The following SEMA5A variants were observed in gnomAD, a reference collection of about 807,000 sequenced individuals.
The protein encoded by SEMA5A is semaphorin 5A, also known as semaphorin-5A.
SEMA5A carries 55 observed loss-of-function variants against 135.5 expected under a neutral mutation model. The observed-to-expected ratio is 0.41, with a 90% CI of 0.33 to 0.51. SEMA5A has a LOEUF of 0.51. Ranked by LOEUF, SEMA5A falls within the 20% of genes least tolerant of loss-of-function variation. SEMA5A has a pLI of 0.37. For missense variants in SEMA5A, 1,290 were observed against 1,419.9 expected (o/e 0.91, Z 1.47); for synonymous variants, 580 against 546.5 (o/e 1.06, Z -0.85).
chr5:9,509,615 G>A (rs1214661546), intron 1 of SEMA5A, among the ~76,000 whole-genome samples: 3 of 152,176 alleles, frequency 2.0e-5, no homozygotes, highest in Admixed American at 2.0e-4. Context: ...AGGTTCTACA[G>A]CCTCAGAGCC....
Position 9,208,700 on chromosome 5 carries a change from C to T in SEMA5A, c.647-6460G>A, listed in dbSNP as rs144117216. On this transcript the variant is annotated intron_variant, in intron 8 of 22. Transcript: ENST00000382496. ...CCACAGTCAGGATCAAAGAGATCAACAGGACGGGAGGTGGAAAGCCAGGCA... is the reference window on the plus strand; with the variant it reads ...CCACAGTCAGGATCAAAGAGATCAATAGGACGGGAGGTGGAAAGCCAGGCA... Among the ~76,000 whole-genome samples the T allele has an allele frequency of 1.6e-3, 247 of 152,256 alleles. 1 individual carries two copies. Among genetic ancestry groups the T allele is most frequent in the African/African-American group, 5.5e-3 (227 of 41,550 alleles).
intron 3 of SEMA5A, among the ~76,000 whole-genome samples, chr5:9,353,457 C>T (rs566063963): frequency 6.6e-6 from 1 of 152,078 alleles, no homozygotes; most frequent in East Asian, 1.9e-4. Context: ...GGAACCACCT[C>T]TGGGCATATC....
chr5:9,063,049 C>T lies in SEMA5A; in HGVS notation c.2356G>A (p.Ala786Thr). 27 of 1,614,202 alleles carry T rather than the reference C, an allele frequency of 1.7e-5. No homozygotes were observed. Among genetic ancestry groups the T allele is most frequent in the Non-Finnish European group, 2.3e-5 (27 of 1,180,026 alleles). ...GRYSAHTVNG[A>T]WSAWTSWSQC... ...GACCACGACGTCCAGGCTGACCAAGCCCCGTTGACCGTGTGGGCAGAGTAT... is the reference window on the plus strand; with the variant it reads ...GACCACGACGTCCAGGCTGACCAAGTCCCGTTGACCGTGTGGGCAGAGTAT... Residue 786 changes from alanine (A) to threonine (T), a missense_variant, in exon 18 of 23, where the codon GCT (alanine) becomes ACT (threonine). Ala to Thr is a moderately conservative substitution (Grantham distance 58). Transcript: ENST00000382496.
intron 16 of SEMA5A, among the ~76,000 whole-genome samples, chr5:9,068,829 G>T (rs930274407): frequency 1.3e-5 from 2 of 152,296 alleles, no homozygotes; most frequent in South Asian, 4.2e-4. Flanking sequence ...GGATCCATAG[G>T]ACTCTGTGTG....
intron 13 of SEMA5A, among the ~76,000 whole-genome samples, chr5:9,129,092 C>T (rs1176899899): frequency 1.3e-5 from 2 of 152,216 alleles, no homozygotes; most frequent in African/African-American, 2.4e-5. Context: ...TAAATGTTCT[C>T]TTTCCAAATA....
At chr5:9,196,694 C>A (rs907229103) in intron 10 of SEMA5A, among the ~76,000 whole-genome samples, 6 of 152,206 alleles carry the variant, frequency 3.9e-5, no homozygotes, top group African/African-American at 1.4e-4. Flanking sequence ...TCCACCTCCT[C>A]TTCTTTCCTC....
intron 12 of SEMA5A, 37 bp from the exon 13 acceptor site, chr5:9,136,658 C>T: frequency 6.5e-7 from 1 of 1,549,722 alleles, no homozygotes; most frequent in Non-Finnish European, 8.9e-7. Flanking sequence ...AGAAAGGTCG[C>T]TTTACCCATG....
intron 16 of SEMA5A, among the ~76,000 whole-genome samples, chr5:9,070,919 T>C (rs993661966): frequency 2.0e-5 from 3 of 152,214 alleles, no homozygotes; most frequent in Non-Finnish European, 4.4e-5. Flanking sequence ...TGATCACTTA[T>C]ATGGCTTAAC....
At chr5:9,471,313 G>A (rs1325692358) in intron 1 of SEMA5A, among the ~76,000 whole-genome samples, 1 of 152,142 alleles carries the variant, frequency 6.6e-6, no homozygotes, top group African/African-American at 2.4e-5. Context: ...CTGAAATACT[G>A]CCTAACTGGG....
chr5:9,512,059 C>G (rs1736232002), intron 1 of SEMA5A: 1 of 152,128 alleles, frequency 6.6e-6, no homozygotes, highest in Non-Finnish European at 1.5e-5. Context: ...TGAATGAAGG[C>G]AGAGAAGTAT....
At chr5:9,426,029 A>G (rs1197413252) in intron 2 of SEMA5A, among the ~76,000 whole-genome samples, 1 of 152,236 alleles carries the variant, frequency 6.6e-6, no homozygotes, top group East Asian at 1.9e-4. Flanking sequence ...ATAAAGCAGT[A>G]TCTGGGACAC....
chr5:9,198,232 A>T (rs1475111071), intron 9 of SEMA5A, among the ~76,000 whole-genome samples: 2 of 152,142 alleles, frequency 1.3e-5, no homozygotes, highest in South Asian at 2.1e-4. Flanking sequence ...TACCTACCTT[A>T]TATTTCTTTG....
intron 7 of SEMA5A, among the ~76,000 whole-genome samples, chr5:9,225,524 G>A (rs955295387): frequency 2.7e-5 from 4 of 148,418 alleles, no homozygotes; most frequent in East Asian, 2.0e-4. Flanking sequence ...AGCCAAAATC[G>A]TGCCGCTGCA....
chr5:9,446,000 A>G (rs144898959), intron 1 of SEMA5A, among the ~76,000 whole-genome samples: 63 of 152,362 alleles, frequency 4.1e-4, no homozygotes, highest in African/African-American at 1.4e-3. Context: ...TCCATCAGAC[A>G]GTAGTCACTG....
chr5:9,224,816 A>C lies in SEMA5A; in HGVS notation c.504T>G (p.Asn168Lys), dbSNP rs761381745. 6.2e-7 allele frequency: 1 copy of C among 1,614,052 alleles called. No individual in the cohort carries two copies. The highest frequency in any genetic ancestry group is 8.5e-7 in the Non-Finnish European group (1 of 1,179,962). Residue 168 changes from asparagine (N) to lysine (K), a missense_variant, in exon 8 of 23, where the codon AAT becomes AAG. Around this residue, in one of 3 missense-constraint regions of SEMA5A, gnomAD observed 145 missense variants for 212.0 expected, o/e 0.68. Transcript: ENST00000382496. ...CACCAGCTGTGAGGAGCGCTGTGGA[A>C]TTGTGCTGGGGACTGTAGGGACAGC... ...MARCPYSPQH[N>K]STALLTAGGE... is the part of the protein sequence containing the mutation.
chr5:9,040,027 C>CTA lies in SEMA5A; in HGVS notation c.*2869_*2870insTA, dbSNP rs1735875870. On this transcript the variant is annotated 3_prime_UTR_variant, in exon 23 of 23. Transcript: ENST00000382496. ...AGCTTCCTCATGAAAACCAGCCTAT[C>CTA]TCCAACTGTATTCAGAAATAATTTT... 1.1e-4 allele frequency: 17 copies of CTA among 152,206 alleles called. No individual in the cohort carries two copies. Among genetic ancestry groups the CTA allele is most frequent in the Admixed American group, 1.0e-3 (16 of 15,276 alleles). 9.4% of individuals were successfully genotyped at this position (152,206 alleles called of 1,614,324 possible). A position where few individuals can be genotyped will look rare whatever the true frequency, so the allele number is the denominator to read the frequency against.
chr5:9,521,518 T>A (rs1055345923), intron 1 of SEMA5A, among the ~76,000 whole-genome samples: 5 of 152,060 alleles, frequency 3.3e-5, no homozygotes, highest in Non-Finnish European at 7.4e-5. Flanking sequence ...GAATAAAAAC[T>A]GCAACAAACA....
At chr5:9,127,265 T>C (rs975490474) in intron 13 of SEMA5A, among the ~76,000 whole-genome samples, 8 of 152,314 alleles carry the variant, frequency 5.3e-5, no homozygotes, top group African/African-American at 1.2e-4. Context: ...TGGGATGCTA[T>C]GGAGGTCAAA....
chr5:9,331,891 G>A lies in SEMA5A; in HGVS notation c.224+5822C>T, dbSNP rs146504753. On this transcript the variant is annotated intron_variant, in intron 4 of 22. Transcript: ENST00000382496. ...ATTCAAACCATTAGCCAAACAAATG[G>A]TTCAAAATAATAAACGAAAAGGATC... Among the ~76,000 whole-genome samples, 265 of 152,224 alleles carry A rather than the reference G, an allele frequency of 1.7e-3. 1 individual carries two copies. Among genetic ancestry groups the A allele is most frequent in the Non-Finnish European group, 3.0e-3 (207 of 68,014 alleles).
Sources: gnomAD v4.1 joint callset for allele counts (sites outside exome capture counted in the v4.1 genomes callset) on GRCh38, gnomAD v4.1.1 for gene constraint, gnomAD v4.1.1 regional missense constraint, MANE v1.5 for transcripts, NCBI Gene and HGNC (gene_info 2026-07-23, HGNC 2026-07-21) for gene names.